Variants in MS4A4A observed in about 807,000 individuals in gnomAD.
MS4A4A encodes the protein membrane-spanning 4-domains subfamily A member 4A.
MS4A4A carries 26 observed loss-of-function variants against 28.0 expected under a neutral mutation model. The ratio of observed to expected loss-of-function variants is 0.93; its 90% CI spans 0.68 to 1.29. The LOEUF (loss-of-function observed/expected upper bound fraction) is 1.29, where lower values mean the gene tolerates loss of function less well. MS4A4A is among the 50% of genes most tolerant of loss of function. The pLI is 0.00. For synonymous variants in MS4A4A, 86 were observed against 100.8 expected (o/e 0.85, Z 0.88); for missense variants, 290 against 293.1 (o/e 0.99, Z 0.08).
At chr11:60,291,256 A>AT (rs2084853640) in intron 1 of MS4A4A, among the ~76,000 whole-genome samples, 1 of 152,224 alleles carries the variant, frequency 6.6e-6, no homozygotes, top group African/African-American at 2.4e-5. Context: ...ATTTAAAGCA[A>AT]TGTAATAGGA....
chr11:60,307,602 G>C (rs2085015524), intron 6 of MS4A4A, among the ~76,000 whole-genome samples: 1 of 152,190 alleles, frequency 6.6e-6, no homozygotes, highest in Non-Finnish European at 1.5e-5. Flanking sequence ...TGGGGCATAT[G>C]ATAGCTAGGT....
At chr11:60,301,145 CTTTG>C (rs749561361) in intron 4 of MS4A4A, 88 bp downstream of exon 4, 9 of 1,092,478 alleles carry the variant, frequency 8.2e-6, no homozygotes, top group African/African-American at 6.5e-5. Context: ...GGTTTTGTTT[CTTTG>C]TTTGTAAAAA....
chr11:60,289,738 C>A (rs765451984), intron 1 of MS4A4A, among the ~76,000 whole-genome samples: 1 of 151,588 alleles, frequency 6.6e-6, no homozygotes, highest in South Asian at 2.1e-4. Flanking sequence ...TTTTAACCTC[C>A]CTTCTATTAT....
At chr11:60,284,832 T>C (rs2084790004) in intron 1 of MS4A4A, among the ~76,000 whole-genome samples, 1 of 152,220 alleles carries the variant, frequency 6.6e-6, no homozygotes, top group Admixed American at 6.5e-5. Context: ...TTATTTTTTG[T>C]CTTAAATTTA....
chr11:60,287,612 C>T (rs1381399752), intron 1 of MS4A4A, among the ~76,000 whole-genome samples: 1 of 152,196 alleles, frequency 6.6e-6, no homozygotes, highest in Non-Finnish European at 1.5e-5. Context: ...ATACTTCTGT[C>T]TCAATAGCCT....
chr11:60,286,976 T>A (rs1458310883), intron 1 of MS4A4A, among the ~76,000 whole-genome samples: 1 of 152,228 alleles, frequency 6.6e-6, no homozygotes, highest in African/African-American at 2.4e-5. Flanking sequence ...TCTACCTTTG[T>A]GATTTAGTAA....
chr11:60,285,495 T>C (rs2084795818), intron 1 of MS4A4A, among the ~76,000 whole-genome samples: 1 of 152,296 alleles, frequency 6.6e-6, no homozygotes, highest in Admixed American at 6.5e-5. Flanking sequence ...TCTGGTAGTT[T>C]ATTGGAGGAA....
At chr11:60,303,967 T>C (rs1377170723) in intron 5 of MS4A4A, among the ~76,000 whole-genome samples, 3 of 152,338 alleles carry the variant, frequency 2.0e-5, no homozygotes, top group East Asian at 1.9e-4. Context: ...TTGAGGTGTC[T>C]TTGCTAAACT....
At chr11:60,298,684 C>T (rs893245206) in intron 3 of MS4A4A, among the ~76,000 whole-genome samples, 1 of 152,018 alleles carries the variant, frequency 6.6e-6, no homozygotes, top group Non-Finnish European at 1.5e-5. Context: ...TTTTTATTTC[C>T]GTTTCCTTTT....
chr11:60,290,620 C>A (rs1554992700), intron 1 of MS4A4A, among the ~76,000 whole-genome samples: 1 of 151,398 alleles, frequency 6.6e-6, no homozygotes, highest in Non-Finnish European at 1.5e-5. Flanking sequence ...AAAAGAAATA[C>A]TTATTTTATA....
Position 60,300,990 on chromosome 11 carries a change from C to G in MS4A4A, c.331-11C>G. 6.3e-7 allele frequency: 1 copy of G among 1,593,880 alleles called. No homozygotes were observed. Among genetic ancestry groups the G allele is most frequent in the African/African-American group, 1.4e-5 (1 of 74,028 alleles). ...AAAGTTTTTTACCTTCATTTTTTCT[C>G]TCATTTTTAGTTTATTATTTCAGGA... On this transcript the variant is annotated splice_polypyrimidine_tract_variant and intron_variant, in intron 3 of 6. Coordinates refer to ENST00000337908, the MANE Select transcript of MS4A4A (RefSeq NM_148975.3).
chr11:60,288,405 G>A (rs1180736911), intron 1 of MS4A4A, among the ~76,000 whole-genome samples: 2 of 152,308 alleles, frequency 1.3e-5, no homozygotes, highest in East Asian at 3.9e-4. Context: ...AGGCATGGAT[G>A]GATGCAGATT....
At chr11:60,286,714 G>T (rs1301161459) in intron 1 of MS4A4A, among the ~76,000 whole-genome samples, 1 of 152,028 alleles carries the variant, frequency 6.6e-6, no homozygotes, top group Non-Finnish European at 1.5e-5. Context: ...TTCTCTTTAG[G>T]CTAGTCTTTG....
intron 5 of MS4A4A, 44 bp from the exon 6 acceptor site, chr11:60,306,056 T>C: frequency 1.4e-6 from 2 of 1,472,578 alleles, no homozygotes; most frequent in African/African-American, 2.8e-5. Context: ...TTTTCACTTG[T>C]CATCTCCATT....
chr11:60,301,442 G>C (rs763454189), intron 4 of MS4A4A, among the ~76,000 whole-genome samples: 1 of 152,164 alleles, frequency 6.6e-6, no homozygotes, highest in Non-Finnish European at 1.5e-5. Flanking sequence ...ACTGTGTCCA[G>C]AAAGGATTTT....
chr11:60,304,042 T>A (rs2084976724), intron 5 of MS4A4A, among the ~76,000 whole-genome samples: 1 of 152,186 alleles, frequency 6.6e-6, no homozygotes, highest in Non-Finnish European at 1.5e-5. Flanking sequence ...TGCCACTCGC[T>A]CAAAATAAGA....
chr11:60,289,595 A>ATGTG (rs34230139), intron 1 of MS4A4A, among the ~76,000 whole-genome samples: 108 of 128,060 alleles, frequency 8.4e-4, no homozygotes, highest in African/African-American at 1.5e-3. Flanking sequence ...GTGTGTGTGT[A>ATGTG]TGTGTGTGTG....
At chr11:60,286,156 G>A (rs910631952) in intron 1 of MS4A4A, among the ~76,000 whole-genome samples, 2 of 152,140 alleles carry the variant, frequency 1.3e-5, no homozygotes, top group Admixed American at 6.5e-5. Flanking sequence ...GGCCCCGCAG[G>A]CAGTCAGACC....
At chr11:60,295,844 G>A (rs2084900813) in intron 2 of MS4A4A, among the ~76,000 whole-genome samples, 5 of 152,086 alleles carry the variant, frequency 3.3e-5, no homozygotes, top group Admixed American at 2.0e-4. Context: ...AATCCCAAGT[G>A]GTCATGGTAC....
Sources: allele counts gnomAD v4.1 joint callset (sites outside exome capture counted in the v4.1 genomes callset), GRCh38; gene constraint gnomAD v4.1.1; transcripts MANE v1.5; gene names NCBI Gene and HGNC (gene_info 2026-07-23, HGNC 2026-07-21).